PCDHGA12: variants seen among roughly 807,000 people sequenced by gnomAD.
The protein encoded by PCDHGA12 is protocadherin gamma subfamily A, 12.
In PCDHGA12, 43 loss-of-function variants were observed where a neutral mutation model predicts 61.1. The observed-to-expected ratio is 0.70, with a 90% CI of 0.55 to 0.91. The LOEUF (loss-of-function observed/expected upper bound fraction) is 0.91, where lower values mean the gene tolerates loss of function less well. PCDHGA12 is among the 40% of genes least tolerant of loss of function. PCDHGA12 has a pLI of 0.00. For synonymous variants in PCDHGA12, 520 were observed against 542.9 expected, an observed-to-expected ratio of 0.96 and a Z score of 0.59; for missense variants, 1,236 against 1,227.7, an observed-to-expected ratio of 1.01 and a Z score of -0.10.
intron 1 of PCDHGA12, among the ~76,000 whole-genome samples, chr5:141,454,796 ATTTTTTTTTTTTT>A (rs61612330): frequency 7.8e-5 from 6 of 77,408 alleles, no homozygotes; most frequent in African/African-American, 1.2e-4. Flanking sequence ...CATGGTTCTA[ATTTTTTTTTTTTT>A]TTTTTTTTTT....
At position 141,495,662 on chromosome 5, in the gene PCDHGA12, C is replaced by T. The variant is rs545912968; in HGVS notation, c.2483+797C>T. The stretch of plus-strand genomic sequence containing the variant: ...TTTGTCTACTTGCATTGATCTGTGC[C>T]GCCCACTGTGCCTGCCATGGCATAA... On this transcript the variant is annotated intron_variant, in intron 2 of 3. Coordinates refer to ENST00000252085, the MANE Select transcript of PCDHGA12 (RefSeq NM_003735.3). Among the ~76,000 whole-genome samples, 8 of 152,256 alleles carry T rather than the reference C, an allele frequency of 5.3e-5. No individual in the cohort carries two copies. In the South Asian group the frequency reaches 6.2e-4, roughly 12 times the overall value.
chr5:141,432,997 G>A lies in PCDHGA12; in HGVS notation c.2238G>A (p.Val746=), dbSNP rs778828769. ...CGCACTTTGTGGGCGTGGACGGGGT[G>A]CAGGCTTTCCTGCAGACCTATTCCC... is the stretch of plus-strand genomic sequence containing the variant. ...PASHFVGVDG[V]QAFLQTYSHE... The change falls in exon 1 of 4, where the codon GTG becomes GTA. Residue 746 remains valine (V), a synonymous_variant. Coordinates refer to ENST00000252085, the MANE Select transcript of PCDHGA12 (RefSeq NM_003735.3). This position sits in a 1 kb window ranked among gnomAD's most constrained non-coding sequence, Gnocchi z 6.0. 5 of 1,614,082 alleles carry A rather than the reference G, an allele frequency of 3.1e-6. No homozygotes were observed. In the Admixed American group the frequency reaches 8.3e-5, roughly 27 times the overall value.
chr5:141,443,555 C>T (rs1284929219), intron 1 of PCDHGA12, among the ~76,000 whole-genome samples: 1 of 152,130 alleles, frequency 6.6e-6, no homozygotes, highest in East Asian at 1.9e-4. Flanking sequence ...TGTTCCAATT[C>T]AAATGCTTTA....
At position 141,431,641 on chromosome 5, in the gene PCDHGA12, A is replaced by G. The variant is rs772686680; in HGVS notation, c.882A>G (p.Leu294=). ...VDDKAAQVFK[L]DCNSGTISTI... ...ACAAGGCGGCCCAAGTTTTCAAACT[A>G]GATTGTAATTCAGGGACAATATCAA... is the stretch of plus-strand genomic sequence containing the variant. Residue 294 remains leucine (L), a synonymous_variant, in exon 1 of 4, where the codon CTA becomes CTG. Coordinates refer to ENST00000252085, the MANE Select transcript of PCDHGA12 (RefSeq NM_003735.3). This position sits in a 1 kb window ranked among gnomAD's most constrained non-coding sequence, Gnocchi z 4.8. The G allele has an allele frequency of 6.2e-7, 1 of 1,614,270 alleles. No individual in the cohort carries two copies. Among genetic ancestry groups the G allele is most frequent in the South Asian group, 1.1e-5 (1 of 91,092 alleles).
rs1178101439 is a variant in PCDHGA12, at chr5:141,443,790, T to C, written c.2424+10607T>C. On this transcript the variant is annotated intron_variant, in intron 1 of 3. Coordinates refer to ENST00000252085, the MANE Select transcript of PCDHGA12 (RefSeq NM_003735.3). Reference sequence around the variant, plus strand: ...AATATTACCAAAAAGACAAAAAAAATGAAAAGGAAACAGTTACCTTTGGAA... The same window carrying C: ...AATATTACCAAAAAGACAAAAAAAACGAAAAGGAAACAGTTACCTTTGGAA... Among the ~76,000 whole-genome samples, 6 of 151,950 alleles carry C rather than the reference T, an allele frequency of 3.9e-5. No homozygotes were observed. The East Asian group carries it at 1.2e-3, about 29-fold the overall frequency.
Position 141,491,650 on chromosome 5 carries a change from G to C in PCDHGA12, c.2425-3157G>C, listed in dbSNP as rs1283977913. On this transcript the variant is annotated intron_variant, in intron 1 of 3. Coordinates refer to ENST00000252085, the MANE Select transcript of PCDHGA12 (RefSeq NM_003735.3). The surrounding 1 kb of genome is among the most constrained non-coding windows in gnomAD (Gnocchi z 6.9). ...TCAGCAGCCCACAGCTCTGGCGCTG[G>C]AGCCTGACGCCATCCGGTCCCGCTC... The C allele has an allele frequency of 6.2e-7, 1 of 1,613,876 alleles. No individual in the cohort carries two copies. The highest frequency in any genetic ancestry group is 1.7e-5 in the Admixed American group (1 of 60,034).
intron 1 of PCDHGA12, chr5:141,478,865 T>G: frequency 7.5e-7 from 1 of 1,326,190 alleles, no homozygotes; most frequent in Non-Finnish European, 1.0e-6. Context: ...ATCTCAGCGA[T>G]CAGAGTTTAG....
At position 141,490,162 on chromosome 5, in the gene PCDHGA12, A is replaced by G. The variant is rs1371128858; in HGVS notation, c.2425-4645A>G. The G allele has an allele frequency of 1.2e-6, 2 of 1,614,218 alleles. No individual in the cohort carries two copies. The highest frequency in any genetic ancestry group is 1.7e-6 in the Non-Finnish European group (2 of 1,180,028). ...TGGGGCAATCCATGTGTTGGGTCCCATAGACTTTGAGGAGTCACGTTTCTA... is the reference window on the plus strand; with the variant it reads ...TGGGGCAATCCATGTGTTGGGTCCCGTAGACTTTGAGGAGTCACGTTTCTA... On this transcript the variant is annotated intron_variant, in intron 1 of 3. Transcript: ENST00000252085. This position sits in a 1 kb window ranked among gnomAD's most constrained non-coding sequence, Gnocchi z 5.4.
At chr5:141,481,346 C>T (rs2099536003) in intron 1 of PCDHGA12, among the ~76,000 whole-genome samples, 1 of 152,248 alleles carries the variant, frequency 6.6e-6, no homozygotes, top group Non-Finnish European at 1.5e-5. Context: ...ATTATTTAAA[C>T]ATCTACAGCT....
chr5:141,432,271 C>T lies in PCDHGA12; in HGVS notation c.1512C>T (p.Tyr504=). The change falls in exon 1 of 4, where the codon TAC becomes TAT. Residue 504 remains tyrosine, a synonymous_variant. Transcript: ENST00000252085. The surrounding 1 kb of genome is among the most constrained non-coding windows in gnomAD (Gnocchi z 6.0). ...NTIQGASLSS[Y]VSINSDTGVL... is the part of the protein sequence containing the mutation. ...TCCAAGGGGCAAGCCTATCGTCCTA[C>T]GTGTCCATCAACTCCGACACTGGGG... is the stretch of plus-strand genomic sequence containing the variant. The T allele has an allele frequency of 6.2e-7, 1 of 1,614,264 alleles. No individual in the cohort carries two copies. Among genetic ancestry groups the T allele is most frequent in the Non-Finnish European group, 8.5e-7 (1 of 1,180,050 alleles).
intron 1 of PCDHGA12, among the ~76,000 whole-genome samples, chr5:141,459,534 T>G (rs980917458): frequency 1.3e-5 from 2 of 151,990 alleles, no homozygotes; most frequent in African/African-American, 2.4e-5. Flanking sequence ...TGTAGGCATA[T>G]TTTTTTTATT....
Position 141,512,270 on chromosome 5 carries a change from G to C in PCDHGA12, c.*1097G>C, listed in dbSNP as rs1188941232. On this transcript the variant is annotated 3_prime_UTR_variant, in exon 4 of 4. Transcript: ENST00000252085. ...TCTGTGGGTGCTGGGTACTCCAGAG[G>C]TGCCACTGGTGGAAGGGTCAGCGGA... 6.5e-6 allele frequency: 1 copy of C among 152,714 alleles called. No homozygotes were observed. The highest frequency in any genetic ancestry group is 2.4e-5 in the African/African-American group (1 of 41,452). The allele number at this position is 152,714 out of a possible 1,614,324, so 9.5% of individuals were successfully genotyped here. A position where few individuals can be genotyped will look rare whatever the true frequency, so the allele number is the denominator to read the frequency against.
chr5:141,468,222 G>A lies in PCDHGA12; in HGVS notation c.2425-26585G>A, dbSNP rs560663102. 2.6e-3 allele frequency among the ~76,000 whole-genome samples: 401 copies of A among 151,572 alleles called. 2 individuals are homozygous for A. Among genetic ancestry groups the A allele is most frequent in the South Asian group, 0.02 (97 of 4,782 alleles). ...TGCCTGTAATTCCAGCTACTTGGGA[G>A]GATGAGGTAGGAGAATTGCCTGAAC... On this transcript the variant is annotated intron_variant, in intron 1 of 3. Coordinates refer to ENST00000252085, the MANE Select transcript of PCDHGA12 (RefSeq NM_003735.3).
chr5:141,476,574 G>A lies in PCDHGA12; in HGVS notation c.2425-18233G>A, dbSNP rs746783993. ...AGCGAGGCCGTGGCTCCGGGGACGC[G>A]CTTTCCGCTCGAGAGCGCGCACGAT... is the stretch of plus-strand genomic sequence containing the variant. On this transcript the variant is annotated intron_variant, in intron 1 of 3. Coordinates refer to ENST00000252085, the MANE Select transcript of PCDHGA12 (RefSeq NM_003735.3). The surrounding 1 kb of genome is among the most constrained non-coding windows in gnomAD (Gnocchi z 7.6). 40 of 1,614,084 alleles carry A rather than the reference G, an allele frequency of 2.5e-5. No homozygotes were observed. In the African/African-American group the frequency reaches 3.7e-4, roughly 15 times the overall value.
In PCDHGA12 at chr5:141,512,237, G is replaced by A. The variant is rs2099884134; in HGVS notation, c.*1064G>A. ...AGGACCAGGTCCCCTTGAGAGGTCA[G>A]AGGGGCCTCTGTGGGTGCTGGGTAC... On this transcript the variant is annotated 3_prime_UTR_variant, in exon 4 of 4. Transcript: ENST00000252085. 1 of 152,774 alleles carries A rather than the reference G, an allele frequency of 6.5e-6. No homozygotes were observed. The highest frequency in any genetic ancestry group is 1.5e-5 in the Non-Finnish European group (1 of 68,148). The allele number at this position is 152,774 out of a possible 1,614,324, so 9.5% of individuals were successfully genotyped here.
rs780541121 is a variant in PCDHGA12 at position 141,477,533 on chromosome 5, G to T, written c.2425-17274G>T. ...TTACATTGAAGAAAACAACCTCCCCGGGGCTCCAATACTAAACCTAAGTGT... is the reference window on the plus strand; with the variant it reads ...TTACATTGAAGAAAACAACCTCCCCTGGGCTCCAATACTAAACCTAAGTGT... On this transcript the variant is annotated intron_variant, in intron 1 of 3. Coordinates refer to ENST00000252085, the MANE Select transcript of PCDHGA12 (RefSeq NM_003735.3). This position sits in a 1 kb window ranked among gnomAD's most constrained non-coding sequence, Gnocchi z 4.9. 6.2e-7 allele frequency: 1 copy of T among 1,614,010 alleles called. No homozygotes were observed. The highest frequency in any genetic ancestry group is 1.1e-5 in the South Asian group (1 of 91,066).
chr5:141,478,726 G>A, intron 1 of PCDHGA12: 2 of 1,540,996 alleles, frequency 1.3e-6, no homozygotes, highest in Non-Finnish European at 1.8e-6. Context: ...GCCTGCCAGA[G>A]TGTGGTTTGT....
At chr5:141,462,896 A>G (rs1280422442) in intron 1 of PCDHGA12, among the ~76,000 whole-genome samples, 1 of 152,142 alleles carries the variant, frequency 6.6e-6, no homozygotes, top group African/African-American at 2.4e-5. Context: ...TTGTTTTGGA[A>G]GGCTATTATG....
At chr5:141,459,108 A>G (rs1240280274) in intron 1 of PCDHGA12, among the ~76,000 whole-genome samples, 1 of 152,216 alleles carries the variant, frequency 6.6e-6, no homozygotes, top group Non-Finnish European at 1.5e-5. Flanking sequence ...ATGCATTTTG[A>G]CAATTGTTTA....
Sources: allele counts gnomAD v4.1 joint callset (sites outside exome capture counted in the v4.1 genomes callset), GRCh38; gene constraint gnomAD v4.1.1; non-coding constraint Gnocchi (gnomAD v3.1); transcripts MANE v1.5; gene names NCBI Gene and HGNC (gene_info 2026-07-23, HGNC 2026-07-21).